The following SNHG17 variants were observed in gnomAD, a reference collection of about 807,000 sequenced individuals.
SNHG17 encodes the protein small nucleolar RNA host gene 17 (non-protein coding).
chr20:38,429,715 A>C (rs200130866), intron 3 of SNHG17: 1 of 511,376 alleles, frequency 2.0e-6, no homozygotes, highest in Admixed American at 2.0e-5. Context: ...TGGACCCTCC[A>C]AACACGGGGA....
intron 2 of SNHG17, among the ~76,000 whole-genome samples, chr20:38,433,363 T>C (rs923153680): frequency 6.6e-6 from 1 of 152,128 alleles, no homozygotes; most frequent in Non-Finnish European, 1.5e-5. Context: ...ACTCAGATAC[T>C]GAGACAGGCG....
At chr20:38,431,213 A>G (rs2084337278) in intron 2 of SNHG17, 1 of 152,258 alleles carries the variant, frequency 6.6e-6, no homozygotes, top group South Asian at 2.1e-4. Context: ...ACACCAGGGG[A>G]ATCAGTGTCT....
chr20:38,432,988 T>C (rs2084362747), intron 2 of SNHG17, among the ~76,000 whole-genome samples: 1 of 152,124 alleles, frequency 6.6e-6, no homozygotes, highest in South Asian at 2.1e-4. Context: ...TTGTTTTTTG[T>C]TAGGGACATA....
intron 2 of SNHG17, among the ~76,000 whole-genome samples, chr20:38,431,325 G>A (rs1190023108): frequency 6.6e-6 from 1 of 152,222 alleles, no homozygotes; most frequent in Non-Finnish European, 1.5e-5. Flanking sequence ...CTCTACACAA[G>A]AGGAAAACCT....
At chr20:38,432,233 G>C in intron 2 of SNHG17, 2 of 891,592 alleles carry the variant, frequency 2.2e-6, no homozygotes, top group Non-Finnish European at 2.7e-6. Context: ...TCAGCAACAC[G>C]AAGAGTTCAT....
chr20:38,423,167 CAGA>C (rs2084187241), intron 5 of SNHG17, among the ~76,000 whole-genome samples: 2 of 151,510 alleles, frequency 1.3e-5, no homozygotes, highest in South Asian at 4.2e-4. Flanking sequence ...GAAGCGAAAG[CAGA>C]AGGATGGTTT....
At chr20:38,423,542 T>A (rs1298474626) in intron 5 of SNHG17, among the ~76,000 whole-genome samples, 2 of 128,748 alleles carry the variant, frequency 1.6e-5, no homozygotes, top group Admixed American at 7.8e-5. Flanking sequence ...CACTTATGTG[T>A]GCAATGTTAA....
intron 5 of SNHG17, chr20:38,425,264 T>C (rs1600756109): frequency 3.9e-6 from 2 of 519,136 alleles, no homozygotes; most frequent in South Asian, 2.8e-5. Flanking sequence ...AGCGCTTTCA[T>C]TGATTCCTCT....
At chr20:38,429,867 AC>A in intron 3 of SNHG17, 1 of 500,978 alleles carries the variant, frequency 2.0e-6, no homozygotes. Context: ...CAATGGTCTC[AC>A]CTGGAACAGA....
At chr20:38,426,999 C>CACACAT (rs2084260595) in intron 3 of SNHG17, among the ~76,000 whole-genome samples, 2 of 124,034 alleles carry the variant, frequency 1.6e-5, no homozygotes, top group East Asian at 4.2e-4. Flanking sequence ...TACACATACA[C>CACACAT]ACACACACAC....
intron 1 of SNHG17, chr20:38,434,922 C>T (rs561243252): frequency 4.7e-4 from 573 of 1,224,456 alleles, no homozygotes; most frequent in South Asian, 3.0e-3. Context: ...CTGTTTCCCG[C>T]CATCCAGGGG....
chr20:38,432,815 G>A (rs1885375556), intron 2 of SNHG17, among the ~76,000 whole-genome samples: 1 of 152,012 alleles, frequency 6.6e-6, no homozygotes, highest in South Asian at 2.1e-4. Flanking sequence ...CACCACACCT[G>A]GCTAGTGTGT....
intron 5 of SNHG17, among the ~76,000 whole-genome samples, chr20:38,424,210 A>G (rs1166618327): frequency 6.6e-6 from 1 of 152,054 alleles, no homozygotes; most frequent in Non-Finnish European, 1.5e-5. Context: ...AAAGGATGCC[A>G]AGGCAAGAAG....
At chr20:38,425,056 C>T in intron 5 of SNHG17, 1 of 349,554 alleles carries the variant, frequency 2.9e-6, no homozygotes, top group East Asian at 6.6e-5. Flanking sequence ...CCTCAAGTTC[C>T]CCAGATAAAC....
At chr20:38,423,685 G>C (rs1254046596) in intron 5 of SNHG17, among the ~76,000 whole-genome samples, 1 of 151,888 alleles carries the variant, frequency 6.6e-6, no homozygotes, top group African/African-American at 2.4e-5. Context: ...AGTAAGTCTA[G>C]AGGGCTCACG....
chr20:38,426,909 C>A (rs527339716), intron 3 of SNHG17, among the ~76,000 whole-genome samples: 1 of 149,624 alleles, frequency 6.7e-6, no homozygotes, highest in Non-Finnish European at 1.5e-5. Flanking sequence ...CTCTTTCTTA[C>A]GACAAACCCT....
In SNHG17 at chr20:38,427,507, A is replaced by T. The variant is rs143180609; in HGVS notation, n.381-1004T>A. ...GTGCCAGGGCCTGTGGGATGACCCAAGTCAGGGACAGTACAAGACTCCTGC... is the reference window on the plus strand; with the variant it reads ...GTGCCAGGGCCTGTGGGATGACCCATGTCAGGGACAGTACAAGACTCCTGC... On this transcript the variant is annotated intron_variant and non_coding_transcript_variant, in intron 3 of 8. Transcript: ENST00000654008. 1.4e-3 allele frequency: 633 copies of T among 464,294 alleles called. 4 individuals carry two copies. The highest frequency in any genetic ancestry group is 2.3e-3 in the Non-Finnish European group (539 of 231,700). The allele number at this position is 464,294 out of a possible 1,614,324, so 28.8% of individuals were successfully genotyped here.
chr20:38,425,894 C>T (rs1298957479), intron 5 of SNHG17: 1 of 152,736 alleles, frequency 6.5e-6, no homozygotes, highest in Non-Finnish European at 1.5e-5. Flanking sequence ...TCCGCCTCTA[C>T]AAAAAATTTC....
At chr20:38,432,705 T>C (rs945315959) in intron 2 of SNHG17, among the ~76,000 whole-genome samples, 8 of 152,188 alleles carry the variant, frequency 5.3e-5, no homozygotes, top group African/African-American at 1.9e-4. Context: ...GAAGTCTTTT[T>C]TGTTGTTGTT....
Sources: allele counts gnomAD v4.1 joint callset (sites outside exome capture counted in the v4.1 genomes callset), GRCh38; gene constraint gnomAD v4.1.1; transcripts MANE v1.5; gene names NCBI Gene and HGNC (gene_info 2026-07-23, HGNC 2026-07-21).